Variants in L3MBTL2 observed in about 807,000 individuals in gnomAD.
L3MBTL2 encodes lethal(3)malignant brain tumor-like protein 2.
L3MBTL2 carries 49 observed loss-of-function variants against 86.4 expected under a neutral mutation model. The ratio of observed to expected loss-of-function variants is 0.57; its 90% CI spans 0.45 to 0.72. The LOEUF is 0.72. Ranked by LOEUF, L3MBTL2 falls within the 30% of genes least tolerant of loss-of-function variation. L3MBTL2 has a pLI of 0.00. For missense variants in L3MBTL2, 755 were observed against 923.7 expected (o/e 0.82, Z 2.37); for synonymous variants, 336 against 350.6 (o/e 0.96, Z 0.47).
At chr22:41,211,495 G>A (rs572055853) in intron 2 of L3MBTL2, among the ~76,000 whole-genome samples, 6 of 150,030 alleles carry the variant, frequency 4.0e-5, no homozygotes, top group Middle Eastern at 3.4e-3. Context: ...ATGAGCCACC[G>A]CACCCAGCCC....
intron 1 of L3MBTL2, among the ~76,000 whole-genome samples, chr22:41,206,717 T>G (rs2030246110): frequency 6.6e-6 from 1 of 151,150 alleles, no homozygotes; most frequent in Non-Finnish European, 1.5e-5. Flanking sequence ...GAGAATGGCG[T>G]GAACGTGGGA....
chr22:41,207,857 A>T (rs1393302220), intron 1 of L3MBTL2, among the ~76,000 whole-genome samples: 2 of 148,920 alleles, frequency 1.3e-5, no homozygotes, highest in African/African-American at 5.0e-5. Context: ...TTTGAGAAGG[A>T]GTCTCACTCT....
At position 41,213,942 on chromosome 22, in the gene L3MBTL2, C is replaced by T. The variant is rs1293235497; in HGVS notation, c.312C>T (p.Ser104=). Residue 104 remains serine, a synonymous_variant, in exon 3 of 17, where the codon TCC becomes TCT. Transcript: ENST00000216237. ...TGGGTACAAGGGAAGCCTTCTTCTC[C>T]AAGACCAAGAGGTTCTGCAGCGTCT... ...GIVGTREAFF[S]KTKRFCSVSC... The T allele has an allele frequency of 1.9e-6, 3 of 1,614,006 alleles. No homozygotes were observed. Among genetic ancestry groups the T allele is most frequent in the Non-Finnish European group, 2.5e-6 (3 of 1,180,026 alleles).
At position 41,230,446 on chromosome 22, in the gene L3MBTL2, G is replaced by C; in HGVS notation, c.*195G>C. 2 of 583,610 alleles carry C rather than the reference G, an allele frequency of 3.4e-6. No individual in the cohort carries two copies. Among genetic ancestry groups the C allele is most frequent in the African/African-American group, 3.8e-5 (2 of 53,150 alleles). The allele number at this position is 583,610 out of a possible 1,614,324, so 36.2% of individuals were successfully genotyped here. On this transcript the variant is annotated 3_prime_UTR_variant, in exon 17 of 17. Transcript: ENST00000216237. ...CCGCCTGTTGCTTCTGCCCTCCCCT[G>C]TGGAAAGGTCTATATGACGGGCCGC...
At chr22:41,214,766 A>G in intron 3 of L3MBTL2, 1 of 152,226 alleles carries the variant, frequency 6.6e-6, no homozygotes, top group East Asian at 1.9e-4. Flanking sequence ...TAATCCCAGC[A>G]CTTTGGGAGA....
At position 41,226,759 on chromosome 22, in the gene L3MBTL2, G is replaced by T; in HGVS notation, c.1587+15G>T. The T allele has an allele frequency of 1.3e-6, 2 of 1,598,226 alleles. No individual in the cohort carries two copies. The highest frequency in any genetic ancestry group is 1.7e-6 in the Non-Finnish European group (2 of 1,166,086). Reference sequence around the variant, plus strand: ...TCTTTAACATGGTGAGGAGACTGAAGTGGAGCAAGGGGCCTGCGGTGGCCT... The same window carrying T: ...TCTTTAACATGGTGAGGAGACTGAATTGGAGCAAGGGGCCTGCGGTGGCCT... On this transcript the variant is annotated intron_variant, in intron 13 of 16. Transcript: ENST00000216237.
chr22:41,227,820 G>A lies in L3MBTL2; in HGVS notation c.1839G>A (p.Leu613=), dbSNP rs996461909. ...CAACAACAGAACCGGCCACACCGCT[G>A]AAGGCCAAAGAGGCCACAAAGAAGA... The part of the protein sequence containing the change: ...PPVAAEPATP[L]KAKEATKKKK... The change falls in exon 15 of 17, where the codon CTG becomes CTA. Residue 613 remains leucine, a synonymous_variant. Transcript: ENST00000216237. This position sits in a 1 kb window ranked among gnomAD's most constrained non-coding sequence, Gnocchi z 6.0. 1 of 1,613,862 alleles carries A rather than the reference G, an allele frequency of 6.2e-7. No homozygotes were observed. Among genetic ancestry groups the A allele is most frequent in the Non-Finnish European group, 8.5e-7 (1 of 1,179,882 alleles).
intron 7 of L3MBTL2, 123 bp downstream of exon 7, chr22:41,220,991 CT>C: frequency 8.3e-7 from 1 of 1,201,280 alleles, no homozygotes; most frequent in Non-Finnish European, 1.2e-6. Context: ...CACTTGCCCC[CT>C]GGCTTCCTGC....
intron 5 of L3MBTL2, 157 bp downstream of exon 5, chr22:41,217,359 G>A: frequency 1.6e-6 from 1 of 607,826 alleles, no homozygotes; most frequent in Non-Finnish European, 2.9e-6. Flanking sequence ...TCATGTTTAT[G>A]TCAAAAAAAT....
In L3MBTL2 at chr22:41,225,113, G is replaced by T. The variant is rs371548323; in HGVS notation, c.1356+42G>T. 2.0e-6 allele frequency: 3 copies of T among 1,533,606 alleles called. No homozygotes were observed. The highest frequency in any genetic ancestry group is 2.3e-5 in the South Asian group (2 of 86,086). 95.0% of individuals were successfully genotyped at this position (1,533,606 alleles called of 1,614,324 possible). ...CTCTCCAGCCTCCAGATTTCTGAGCGGGGGGACCCATGTGGCCCAGAGCTC... is the reference window on the plus strand; with the variant it reads ...CTCTCCAGCCTCCAGATTTCTGAGCTGGGGGACCCATGTGGCCCAGAGCTC... On this transcript the variant is annotated intron_variant, in intron 11 of 16. Transcript: ENST00000216237. This position sits in a 1 kb window ranked among gnomAD's most constrained non-coding sequence, Gnocchi z 4.1.
Position 41,228,461 on chromosome 22 carries a change from G to A in L3MBTL2, c.1888+592G>A, listed in dbSNP as rs142672062. ...GCGGGCAAAGCCATCCTTCAGAGCC[G>A]CAGGCCTATGACAGCGAGGTGGGCT... is the stretch of plus-strand genomic sequence containing the variant. On this transcript the variant is annotated intron_variant, in intron 15 of 16. Transcript: ENST00000216237. 4.5e-4 allele frequency: 444 copies of A among 985,412 alleles called. 7 individuals carry two copies. The East Asian group carries it at 0.038, about 85-fold the overall frequency. 61.0% of individuals were successfully genotyped at this position (985,412 alleles called of 1,614,324 possible).
intron 4 of L3MBTL2, 59 bp downstream of exon 4, chr22:41,216,321 TG>T: frequency 6.3e-7 from 1 of 1,580,906 alleles, no homozygotes; most frequent in South Asian, 1.1e-5. Context: ...AGACTGGGTT[TG>T]GGGTGGCCTT....
At position 41,230,460 on chromosome 22, in the gene L3MBTL2, A is replaced by C; in HGVS notation, c.*209A>C. 2 of 532,320 alleles carry C rather than the reference A, an allele frequency of 3.8e-6. No homozygotes were observed. Among genetic ancestry groups the C allele is most frequent in the Non-Finnish European group, 6.7e-6 (2 of 300,600 alleles). 33.0% of individuals were successfully genotyped at this position (532,320 alleles called of 1,614,324 possible). A position where few individuals can be genotyped will look rare whatever the true frequency, so the allele number is the denominator to read the frequency against. Reference sequence around the variant, plus strand: ...TGCCCTCCCCTGTGGAAAGGTCTATATGACGGGCCGCCTGAGGCCCCAGAA... The same window carrying C: ...TGCCCTCCCCTGTGGAAAGGTCTATCTGACGGGCCGCCTGAGGCCCCAGAA... On this transcript the variant is annotated 3_prime_UTR_variant, in exon 17 of 17. Coordinates refer to ENST00000216237, the MANE Select transcript of L3MBTL2 (RefSeq NM_031488.5).
Position 41,225,183 on chromosome 22 carries a change from A to C in L3MBTL2, c.1356+112A>C. On this transcript the variant is annotated intron_variant, in intron 11 of 16. Coordinates refer to ENST00000216237, the MANE Select transcript of L3MBTL2 (RefSeq NM_031488.5). The surrounding 1 kb of genome is among the most constrained non-coding windows in gnomAD (Gnocchi z 4.1). ...CAGGGGGTCTGTGTCCCAGCCTCTC[A>C]TCACTGGCTGCACCCAGAGTCCCTG... The C allele has an allele frequency of 1.3e-6, 1 of 791,992 alleles. No homozygotes were observed. The highest frequency in any genetic ancestry group is 2.0e-6 in the Non-Finnish European group (1 of 498,354). 49.1% of individuals were successfully genotyped at this position (791,992 alleles called of 1,614,324 possible). A position where few individuals can be genotyped will look rare whatever the true frequency, so the allele number is the denominator to read the frequency against.
chr22:41,230,977 G>C lies in L3MBTL2; in HGVS notation c.*726G>C, dbSNP rs2032559622. The C allele has an allele frequency of 6.6e-6, 1 of 152,270 alleles. No individual in the cohort carries two copies. Among genetic ancestry groups the C allele is most frequent in the Non-Finnish European group, 1.5e-5 (1 of 68,086 alleles). The allele number at this position is 152,270 out of a possible 1,614,324, so 9.4% of individuals were successfully genotyped here. On this transcript the variant is annotated 3_prime_UTR_variant, in exon 17 of 17. Transcript: ENST00000216237. ...GAGGACATTGGGAGGAAGATGGCCT[G>C]AGTGTGCACTTTGGCTCTGCTACCT...
At position 41,224,734 on chromosome 22, in the gene L3MBTL2, G is replaced by A. The variant is rs1254128545; in HGVS notation, c.1184G>A (p.Ser395Asn). ...GHGIKMSERR[S>N]DMAHHPTFRK... ...TCCATCTCCTCCAAAGAGAGGCGAAGTGACATGGCCCATCACCCCACCTTC... is the reference window on the plus strand; with the variant it reads ...TCCATCTCCTCCAAAGAGAGGCGAAATGACATGGCCCATCACCCCACCTTC... The change falls in exon 10 of 17, where the codon AGT (serine) becomes AAT (asparagine). Residue 395 changes from serine (S) to asparagine (N), a missense_variant. By Grantham distance (46) the Ser-to-Asn change is conservative. This residue lies in a region of L3MBTL2 where 634 missense variants were observed against 748.9 expected (regional missense o/e 0.85). Coordinates refer to ENST00000216237, the MANE Select transcript of L3MBTL2 (RefSeq NM_031488.5). The surrounding 1 kb of genome is among the most constrained non-coding windows in gnomAD (Gnocchi z 4.9). 1 of 1,613,512 alleles carries A rather than the reference G, an allele frequency of 6.2e-7. No individual in the cohort carries two copies. The highest frequency in any genetic ancestry group is 2.2e-5 in the East Asian group (1 of 44,880).
intron 1 of L3MBTL2, among the ~76,000 whole-genome samples, chr22:41,207,278 C>CT (rs753165296): frequency 1.5e-5 from 2 of 130,068 alleles, no homozygotes; most frequent in African/African-American, 2.8e-5. Flanking sequence ...GGGTTGCTCT[C>CT]TGTCACCCAG....
chr22:41,207,661 T>C (rs1240818127), intron 1 of L3MBTL2, among the ~76,000 whole-genome samples: 1 of 151,840 alleles, frequency 6.6e-6, no homozygotes. Context: ...GCCAAACTTT[T>C]CTCCTTTCTT....
intron 3 of L3MBTL2, chr22:41,214,379 T>C: frequency 6.0e-6 from 1 of 167,654 alleles, no homozygotes; most frequent in Non-Finnish European, 1.3e-5. Flanking sequence ...CCAGCCACGG[T>C]GGCTTCAGGA....
Sources: allele counts gnomAD v4.1 joint callset (sites outside exome capture counted in the v4.1 genomes callset), GRCh38; gene constraint gnomAD v4.1.1; regional missense constraint gnomAD v4.1.1; non-coding constraint Gnocchi (gnomAD v3.1); transcripts MANE v1.5; gene names NCBI Gene and HGNC (gene_info 2026-07-23, HGNC 2026-07-21).